The following FAR1 variants were observed in gnomAD, a reference collection of about 807,000 sequenced individuals.
FAR1 encodes the protein male sterility domain-containing protein 2.
In FAR1, 22 loss-of-function variants were observed where a neutral mutation model predicts 61.1. That is an observed-to-expected ratio of 0.36 (90% CI 0.26 to 0.51). FAR1 has a LOEUF of 0.51. Ranked by LOEUF, FAR1 falls within the 20% of genes least tolerant of loss-of-function variation. FAR1 has a pLI of 0.95. For synonymous variants in FAR1, 206 were observed against 209.7 expected (o/e 0.98, Z 0.15); for missense variants, 359 against 626.9 (o/e 0.57, Z 4.56).
At chr11:13,694,712 T>C (rs751715597) in intron 1 of FAR1, 47 bp from the exon 2 acceptor site, 7 of 1,442,226 alleles carry the variant, frequency 4.9e-6, no homozygotes, top group Non-Finnish European at 6.6e-6. Flanking sequence ...TATGAAAGAA[T>C]GATGGTGAAT....
At chr11:13,717,355 A>G (rs894215137) in intron 9 of FAR1, among the ~76,000 whole-genome samples, 1 of 152,196 alleles carries the variant, frequency 6.6e-6, no homozygotes, top group African/African-American at 2.4e-5. Flanking sequence ...CCCATCATAA[A>G]TGATGGTAAG....
intron 1 of FAR1, among the ~76,000 whole-genome samples, chr11:13,691,777 CAT>C (rs1260614321): frequency 1.3e-5 from 2 of 152,164 alleles, no homozygotes; most frequent in Non-Finnish European, 2.9e-5. Context: ...TGCTGATTGA[CAT>C]GTGGGCTATT....
chr11:13,708,400 C>T (rs1458147070), intron 4 of FAR1, among the ~76,000 whole-genome samples: 1 of 150,896 alleles, frequency 6.6e-6, no homozygotes, highest in East Asian at 2.0e-4. Flanking sequence ...ATTCAAGTCC[C>T]TCCCTCTTCT....
chr11:13,719,891 A>T (rs960012746), intron 9 of FAR1: 3 of 152,142 alleles, frequency 2.0e-5, no homozygotes, highest in Admixed American at 1.3e-4. Flanking sequence ...AAGGATTGTG[A>T]TTATTTTTTT....
intron 3 of FAR1, among the ~76,000 whole-genome samples, chr11:13,707,686 G>T (rs1303755251): frequency 1.3e-5 from 2 of 152,062 alleles, no homozygotes; most frequent in Admixed American, 1.3e-4. Context: ...ATTTTTAAGG[G>T]CTACAAGGCA....
chr11:13,685,694 G>C (rs1278193796), intron 1 of FAR1: 6 of 159,048 alleles, frequency 3.8e-5, no homozygotes, highest in African/African-American at 1.2e-4. Flanking sequence ...TGATGGTGGA[G>C]AAAGGAAGAG....
chr11:13,691,246 A>C (rs1168114875), intron 1 of FAR1, among the ~76,000 whole-genome samples: 1 of 152,218 alleles, frequency 6.6e-6, no homozygotes, highest in Non-Finnish European at 1.5e-5. Flanking sequence ...AGAGCAAACT[A>C]GCACAATGTT....
chr11:13,727,023 G>T (rs2134203175), intron 10 of FAR1, among the ~76,000 whole-genome samples: 1 of 151,900 alleles, frequency 6.6e-6, no homozygotes, highest in South Asian at 2.1e-4. Flanking sequence ...TTCTTTTCTG[G>T]ATTTACCTAT....
In FAR1 at chr11:13,707,881, ACTTTTT is replaced by A. The variant is rs1263353783; in HGVS notation, c.366-12_366-7del. 2 of 1,468,454 alleles carry A rather than the reference ACTTTTT, an allele frequency of 1.4e-6. No homozygotes were observed. The highest frequency in any genetic ancestry group is 1.5e-5 in the South Asian group (1 of 66,636). 91.0% of individuals were successfully genotyped at this position (1,468,454 alleles called of 1,614,324 possible). On this transcript the variant is annotated splice_polypyrimidine_tract_variant and intron_variant, in intron 3 of 11. Coordinates refer to ENST00000354817, the MANE Select transcript of FAR1 (RefSeq NM_032228.6). ...CATAGCTTCCCAATTTTCTATTGTC[ACTTTTT>A]CTTTTTAAACAGAGATGCTGTTCAG...
intron 4 of FAR1, among the ~76,000 whole-genome samples, chr11:13,708,447 G>GCACACACACACACACACA (rs61253307): frequency 5.9e-5 from 8 of 136,730 alleles, no homozygotes; most frequent in African/African-American, 1.4e-4. Context: ...GCGCGCGCGC[G>GCACACACACACACACACA]CACACACACA....
At position 13,708,088 on chromosome 11, in the gene FAR1, G is replaced by A. The variant is rs1016536924; in HGVS notation, c.545+9G>A. On this transcript the variant is annotated intron_variant, in intron 4 of 11. Transcript: ENST00000354817. The stretch of plus-strand genomic sequence containing the variant: ...CTGATTGATTCTTTAGAGTATGTTT[G>A]TTTGAAATTTATATACATTTACTTT... The A allele has an allele frequency of 7.1e-6, 11 of 1,558,266 alleles. No homozygotes were observed. The African/African-American group carries it at 1.5e-4, about 22-fold the overall frequency.
Position 13,711,799 on chromosome 11 carries a change from C to G in FAR1, c.759C>G (p.Leu253=), listed in dbSNP as rs1387286578. Residue 253 remains leucine, a synonymous_variant, in exon 6 of 12, where the codon CTC becomes CTG. Transcript: ENST00000354817. The part of the protein sequence containing the change: ...WIDNFNGPSG[L]FIAAGKGILR... ...ATAACTTTAATGGACCAAGTGGTCT[C>G]TTTATTGCGGTAAGTAAACCTTTTG... 6.2e-7 allele frequency: 1 copy of G among 1,601,246 alleles called. No homozygotes were observed. Among genetic ancestry groups the G allele is most frequent in the African/African-American group, 1.4e-5 (1 of 73,868 alleles).
intron 1 of FAR1, among the ~76,000 whole-genome samples, chr11:13,691,291 T>C (rs1352251811): frequency 2.0e-5 from 3 of 152,184 alleles, no homozygotes; most frequent in East Asian, 1.9e-4. Flanking sequence ...CTTAATCCCA[T>C]TGATGAGGAA....
intron 2 of FAR1, 128 bp downstream of exon 2, chr11:13,695,082 TAGTA>T (rs1848294751): frequency 2.8e-6 from 2 of 715,190 alleles, no homozygotes; most frequent in Non-Finnish European, 4.1e-6. Flanking sequence ...CAAAAAAACT[TAGTA>T]AGTTCCTACA....
At chr11:13,703,995 G>A (rs1848406096) in intron 3 of FAR1, among the ~76,000 whole-genome samples, 1 of 140,024 alleles carries the variant, frequency 7.1e-6, no homozygotes, top group Non-Finnish European at 1.5e-5. Flanking sequence ...AGTGAGCCAA[G>A]ATCATGCCAT....
intron 9 of FAR1, chr11:13,720,332 T>C (rs200063444): frequency 2.0e-5 from 3 of 152,258 alleles, no homozygotes; most frequent in East Asian, 3.9e-4. Flanking sequence ...TGATAGTATA[T>C]ATTGATGTAG....
intron 1 of FAR1, among the ~76,000 whole-genome samples, chr11:13,677,083 T>C (rs1848075940): frequency 6.6e-6 from 1 of 152,222 alleles, no homozygotes; most frequent in Non-Finnish European, 1.5e-5. Context: ...TGTTTGTCTT[T>C]TCATTCTGGA....
chr11:13,723,075 A>G (rs1383646391), intron 10 of FAR1, among the ~76,000 whole-genome samples: 3 of 152,078 alleles, frequency 2.0e-5, no homozygotes, highest in East Asian at 1.9e-4. Context: ...AGCACGTTAA[A>G]GAACTTTTTT....
chr11:13,718,470 C>G (rs1261531127), intron 9 of FAR1, among the ~76,000 whole-genome samples: 1 of 152,172 alleles, frequency 6.6e-6, no homozygotes, highest in African/African-American at 2.4e-5. Flanking sequence ...TCTTAAAACC[C>G]TTTAAGGCTT....
Sources: allele counts gnomAD v4.1 joint callset (sites outside exome capture counted in the v4.1 genomes callset), GRCh38; gene constraint gnomAD v4.1.1; transcripts MANE v1.5; gene names NCBI Gene and HGNC (gene_info 2026-07-23, HGNC 2026-07-21).